The following USH2A variants were observed in gnomAD, a reference collection of about 807,000 sequenced individuals.
The protein encoded by USH2A is usherin, also known as Usher syndrome 2A (autosomal recessive, mild).
Under a neutral mutation model 538.9 loss-of-function variants are expected in USH2A, and 443 were observed. The observed-to-expected ratio is 0.82, with a 90% CI of 0.76 to 0.89. USH2A has a LOEUF of 0.89. Ranked by LOEUF, USH2A falls within the 40% of genes least tolerant of loss-of-function variation. The probability of loss-of-function intolerance (pLI) is 0.00; values close to 1 mark genes in which losing one functional copy is unlikely to be tolerated. For missense variants in USH2A, 6,633 were observed against 6,324.8 expected, an observed-to-expected ratio of 1.05 and a Z score of -1.65; for synonymous variants, 2,413 against 2,273.5, an observed-to-expected ratio of 1.06 and a Z score of -1.75.
intron 48 of USH2A, among the ~76,000 whole-genome samples, chr1:215,814,130 T>A (rs2102793512): frequency 6.7e-6 from 1 of 148,972 alleles, no homozygotes; most frequent in African/African-American, 2.4e-5. Flanking sequence ...CTTTGTGCTC[T>A]ATTATAATAC....
rs541125112 is a variant in USH2A, at chr1:215,858,851, G to A, written c.8845+8156C>T. On this transcript the variant is annotated intron_variant, in intron 44 of 71. Transcript: ENST00000307340. Reference sequence around the variant, plus strand: ...TAGTTAGATATGTATTAGTTTGCTCGGGCTGCCTTAACAAAATATTAAAGG... The same window carrying A: ...TAGTTAGATATGTATTAGTTTGCTCAGGCTGCCTTAACAAAATATTAAAGG... 5.9e-5 allele frequency among the ~76,000 whole-genome samples: 9 copies of A among 152,068 alleles called. No individual in the cohort carries two copies. The South Asian group carries it at 8.3e-4, about 14-fold the overall frequency.
At chr1:216,372,217 A>G (rs1447421122) in intron 3 of USH2A, among the ~76,000 whole-genome samples, 3 of 152,138 alleles carry the variant, frequency 2.0e-5, no homozygotes, top group Non-Finnish European at 4.4e-5. Flanking sequence ...TGCCCCTCAA[A>G]GATTTTTTCT....
intron 16 of USH2A, 66 bp from the exon 17 acceptor site, chr1:216,200,187 C>G: frequency 5.4e-6 from 8 of 1,492,786 alleles, no homozygotes; most frequent in Non-Finnish European, 7.3e-6. Context: ...TCATTGCTAA[C>G]TGCTTTCCTA....
At chr1:216,376,098 T>C (rs1189894841) in intron 3 of USH2A, among the ~76,000 whole-genome samples, 1 of 152,196 alleles carries the variant, frequency 6.6e-6, no homozygotes, top group Non-Finnish European at 1.5e-5. Context: ...TTTAAATTTC[T>C]GTGAGAATTG....
chr1:215,816,947 A>G (rs1298618609), intron 48 of USH2A, 50 bp downstream of exon 48: 3 of 1,570,362 alleles, frequency 1.9e-6, no homozygotes, highest in Non-Finnish European at 2.6e-6. Context: ...TTTCACTTGG[A>G]GTCTTGAGTG....
intron 36 of USH2A, among the ~76,000 whole-genome samples, chr1:215,969,371 C>G (rs186922805): frequency 6.6e-6 from 1 of 152,134 alleles, no homozygotes; most frequent in South Asian, 2.1e-4. Context: ...TTAAGGTTAA[C>G]GTAGCTACTG....
chr1:216,026,792 G>C (rs1300833705), intron 32 of USH2A, among the ~76,000 whole-genome samples: 2 of 152,116 alleles, frequency 1.3e-5, no homozygotes, highest in African/African-American at 4.8e-5. Flanking sequence ...TGTTATGAGA[G>C]AGGGGTACAC....
intron 21 of USH2A, among the ~76,000 whole-genome samples, chr1:216,157,589 G>T (rs142151404): frequency 6.6e-6 from 1 of 152,210 alleles, no homozygotes; most frequent in Non-Finnish European, 1.5e-5. Flanking sequence ...TGATGGACTG[G>T]ATAAAGAAAA....
chr1:215,680,226 T>C lies in USH2A; in HGVS notation c.12217A>G (p.Ile4073Val). 1.2e-6 allele frequency: 2 copies of C among 1,614,178 alleles called. No individual in the cohort carries two copies. The highest frequency in any genetic ancestry group is 1.7e-4 in the Middle Eastern group (1 of 6,060). Reference protein sequence around the residue: ...ESSPSGLRNFIVEQKENGRAL... With the variant: ...ESSPSGLRNFVVEQKENGRAL... ...CGGCCATTCTCTTTCTGTTCTACTA[T>C]AAAGTTTCTCAGTCCACTTGGGGAA... The change falls in exon 62 of 72, where the codon ATA becomes GTA. Residue 4073 changes from isoleucine (I) to valine (V), a missense_variant. Transcript: ENST00000307340.
chr1:216,210,430 A>C (rs2035214111), intron 15 of USH2A, among the ~76,000 whole-genome samples: 2 of 152,110 alleles, frequency 1.3e-5, no homozygotes, highest in Non-Finnish European at 2.9e-5. Context: ...TCAATCAAGC[A>C]GCTGACCAAT....
chr1:216,077,736 ATATT>A lies in USH2A; in HGVS notation c.5572+349_5572+352del, dbSNP rs1180061270. On this transcript the variant is annotated intron_variant, in intron 27 of 71. Coordinates refer to ENST00000307340, the MANE Select transcript of USH2A (RefSeq NM_206933.4). Reference sequence around the variant, plus strand: ...CTCAGTTACCTTATTTATAATCAACATATTTATTTTGATATTTATTCAGTAAATA... The same window carrying A: ...CTCAGTTACCTTATTTATAATCAACATATTTTGATATTTATTCAGTAAATA... Among the ~76,000 whole-genome samples, 4 of 149,776 alleles carry A rather than the reference ATATT, an allele frequency of 2.7e-5. No homozygotes were observed. In the South Asian group the frequency reaches 8.3e-4, roughly 31 times the overall value.
At position 215,993,149 on chromosome 1, in the gene USH2A, A is replaced by G; in HGVS notation, c.6676T>C (p.Cys2226Arg). ...GCCTCACTGGCCTCACTCACTGTGCACCCACCACCTGTGCAAGCCTAAACA... is the reference window on the plus strand; with the variant it reads ...GCCTCACTGGCCTCACTCACTGTGCGCCCACCACCTGTGCAAGCCTAAACA... ...IKLGACTGGG[C>R]TVSEASEALT... The change falls in exon 35 of 72, where the codon TGC becomes CGC. Residue 2226 changes from cysteine (C) to arginine (R), a missense_variant. By Grantham distance (180) the Cys-to-Arg change is radical. Transcript: ENST00000307340. The G allele has an allele frequency of 6.2e-7, 1 of 1,613,986 alleles. No individual in the cohort carries two copies. Among genetic ancestry groups the G allele is most frequent in the Non-Finnish European group, 8.5e-7 (1 of 1,179,968 alleles).
intron 11 of USH2A, among the ~76,000 whole-genome samples, chr1:216,254,838 C>G (rs2036230222): frequency 6.6e-6 from 1 of 152,184 alleles, no homozygotes; most frequent in Non-Finnish European, 1.5e-5. Flanking sequence ...TGAGCCAAAC[C>G]ATAGAATCCT....
intron 32 of USH2A, among the ~76,000 whole-genome samples, chr1:216,030,588 T>G (rs181324729): frequency 6.8e-6 from 1 of 146,004 alleles, no homozygotes; most frequent in African/African-American, 2.5e-5. Context: ...TATAGATATA[T>G]ATCACAGATA....
At chr1:216,157,586 C>T (rs2102625972) in intron 21 of USH2A, among the ~76,000 whole-genome samples, 1 of 152,220 alleles carries the variant, frequency 6.6e-6, no homozygotes, top group Middle Eastern at 3.4e-3. Flanking sequence ...CAATGATGGA[C>T]TGGATAAAGA....
chr1:216,341,216 A>C (rs1015566425), intron 4 of USH2A, among the ~76,000 whole-genome samples: 9 of 151,956 alleles, frequency 5.9e-5, no homozygotes, highest in Admixed American at 2.0e-4. Context: ...CAAGCAGAGA[A>C]CCAAATCATG....
chr1:215,774,801 T>C (rs1169305351), intron 55 of USH2A, among the ~76,000 whole-genome samples: 1 of 152,058 alleles, frequency 6.6e-6, no homozygotes, highest in Non-Finnish European at 1.5e-5. Context: ...TTTTAAAAAA[T>C]ATCATTGTCT....
intron 8 of USH2A, 108 bp from the exon 9 acceptor site, chr1:216,322,084 G>T: frequency 9.5e-7 from 1 of 1,056,096 alleles, no homozygotes; most frequent in Non-Finnish European, 1.5e-6. Flanking sequence ...GAAGATTTTT[G>T]TATATTTAAT....
At chr1:216,126,055 G>T (rs1046616440) in intron 21 of USH2A, among the ~76,000 whole-genome samples, 23 of 152,150 alleles carry the variant, frequency 1.5e-4, no homozygotes, top group Non-Finnish European at 4.4e-5. Flanking sequence ...AAGTAGAAAT[G>T]CAGTGCAAGA....
Sources: gnomAD v4.1 joint callset for allele counts (sites outside exome capture counted in the v4.1 genomes callset) on GRCh38, gnomAD v4.1.1 for gene constraint, MANE v1.5 for transcripts, NCBI Gene and HGNC (gene_info 2026-07-23, HGNC 2026-07-21) for gene names.